Variants in PASD1 observed in about 807,000 individuals in gnomAD.
The protein encoded by PASD1 is PAS domain containing repressor 1, also known as circadian clock protein PASD1.
PASD1 carries 13 observed loss-of-function variants against 58.8 expected under a neutral mutation model. That is an observed-to-expected ratio of 0.22 (90% CI 0.14 to 0.35). The LOEUF is 0.35. Ranked by LOEUF, PASD1 falls within the 10% of genes least tolerant of loss-of-function variation. The pLI is 1.00. For synonymous variants in PASD1, 236 were observed against 216.7 expected (o/e 1.09, Z -0.78); for missense variants, 734 against 568.3 (o/e 1.29, Z -2.96).
Position 151,671,147 on chromosome X carries a change from C to T in PASD1, c.1181C>T (p.Ala394Val), listed in dbSNP as rs770622099. Residue 394 changes from alanine to valine, a missense_variant, in exon 12 of 16, where the codon GCC becomes GTC. Ala to Val is a moderately conservative substitution (Grantham distance 64). Coordinates refer to ENST00000370357, the MANE Select transcript of PASD1 (RefSeq NM_173493.3). ...LEERTWLLHD[A>V]IQNQQNALEL... Reference sequence around the variant, plus strand: ...GAGAGGACTTGGTTGCTGCATGATGCCATCCAAAACCAGCAGAATGCATTG... The same window carrying T: ...GAGAGGACTTGGTTGCTGCATGATGTCATCCAAAACCAGCAGAATGCATTG... 10 of 1,209,851 alleles carry T rather than the reference C, an allele frequency of 8.3e-6. No individual in the cohort carries two copies. In the African/African-American group the frequency reaches 8.7e-5, roughly 11 times the overall value.
At chrX:151,575,383 G>T (rs148145511) in intron 1 of PASD1, among the ~76,000 whole-genome samples, 1,521 of 110,362 alleles carry the variant, frequency 0.014, 10 homozygotes, top group Non-Finnish European at 0.021. Context: ...GAATTCCCTG[G>T]TGTTGTTAGA....
At chrX:151,647,617 C>T (rs931613161) in intron 8 of PASD1, among the ~76,000 whole-genome samples, 1 of 110,030 alleles carries the variant, frequency 9.1e-6, no homozygotes, top group Non-Finnish European at 1.9e-5. Context: ...TGACTTAACT[C>T]ATTAACTAGT....
At chrX:151,592,586 T>G (rs1409915418) in intron 1 of PASD1, among the ~76,000 whole-genome samples, 1 of 112,075 alleles carries the variant, frequency 8.9e-6, no homozygotes, top group East Asian at 2.8e-4. Context: ...TTATAGTAAA[T>G]CATTTTGAAA....
intron 1 of PASD1, among the ~76,000 whole-genome samples, chrX:151,599,984 T>C (rs760131028): frequency 2.0e-4 from 23 of 112,240 alleles, no homozygotes; most frequent in African/African-American, 6.8e-4. Flanking sequence ...CATTGAGCAC[T>C]GAGTGAGCGA....
chrX:151,622,355 T>G (rs2013723985), intron 6 of PASD1, among the ~76,000 whole-genome samples: 1 of 110,548 alleles, frequency 9.0e-6, no homozygotes, highest in Non-Finnish European at 1.9e-5. Flanking sequence ...AACTCACTAA[T>G]AAGCAAAGAA....
chrX:151,648,156 A>G (rs1264760482), intron 8 of PASD1, among the ~76,000 whole-genome samples: 1 of 111,128 alleles, frequency 9.0e-6, no homozygotes, highest in Admixed American at 9.6e-5. Flanking sequence ...CTAGTGTGCC[A>G]TGAAGCTGCA....
chrX:151,665,847 G>GGTGT (rs1183569660), intron 11 of PASD1, among the ~76,000 whole-genome samples: 1 of 107,054 alleles, frequency 9.3e-6, no homozygotes. Context: ...AGTTTAGAGG[G>GGTGT]GTGTGTGTGT....
chrX:151,567,748 G>A (rs764488277), intron 1 of PASD1, among the ~76,000 whole-genome samples: 167 of 112,140 alleles, frequency 1.5e-3, no homozygotes, highest in Non-Finnish European at 2.7e-3. Context: ...TTGAGACAGG[G>A]TCTTTCTCTG....
chrX:151,594,369 CT>C (rs766567430), intron 1 of PASD1, among the ~76,000 whole-genome samples: 1 of 111,807 alleles, frequency 8.9e-6, no homozygotes, highest in Non-Finnish European at 1.9e-5. Flanking sequence ...CCATTGTCTT[CT>C]TTTTTCTGCT....
At chrX:151,571,671 G>C (rs1172237458) in intron 1 of PASD1, among the ~76,000 whole-genome samples, 3 of 111,963 alleles carry the variant, frequency 2.7e-5, no homozygotes, top group African/African-American at 9.7e-5. Context: ...ATGTTTCATT[G>C]ATGCCTAAGC....
In PASD1 at chrX:151,672,225, CGGCAGCTGCGGGA is replaced by C. The variant is rs1569417559; in HGVS notation, c.1482_1494del (p.Gln495SerfsTer5). 1 of 1,136,129 alleles carries C rather than the reference CGGCAGCTGCGGGA, an allele frequency of 8.8e-7. No homozygotes were observed. The highest frequency in any genetic ancestry group is 1.2e-6 in the Non-Finnish European group (1 of 850,738). 93.6% of individuals were successfully genotyped at this position (1,136,129 alleles called of 1,213,427 possible). Reference sequence around the variant, plus strand: ...AGAACAACACCTGAAGGAGCAGCAGCGGCAGCTGCGGGAGCAGCTGCAACAGCTGAGAGAGCAA... The same window carrying C: ...AGAACAACACCTGAAGGAGCAGCAGCGCAGCTGCAACAGCTGAGAGAGCAA... On this transcript the variant is annotated frameshift_variant, in exon 14 of 16. Transcript: ENST00000370357. LOFTEE classifies it high-confidence loss of function.
At chrX:151,610,635 A>G (rs963248354) in intron 3 of PASD1, among the ~76,000 whole-genome samples, 1 of 111,504 alleles carries the variant, frequency 9.0e-6, no homozygotes, top group Non-Finnish European at 1.9e-5. Flanking sequence ...TATCTACATG[A>G]ATTCTTTGAA....
At chrX:151,590,706 C>T (rs2013234257) in intron 1 of PASD1, among the ~76,000 whole-genome samples, 2 of 111,347 alleles carry the variant, frequency 1.8e-5, no homozygotes. Flanking sequence ...TCAGCCTCCA[C>T]AGTAGCTGAG....
rs760182373 is a variant in PASD1 at position 151,568,201 on chromosome X, C to T, written c.-28+4362C>T. Among the ~76,000 whole-genome samples the T allele has an allele frequency of 3.6e-5, 4 of 111,822 alleles. No individual in the cohort carries two copies. The East Asian group carries it at 1.1e-3, about 31-fold the overall frequency. Reference sequence around the variant, plus strand: ...ATGTTGTTTATGAGAACTAGAATACCGTTCTTGTTATTTGATATGTATTTA... The same window carrying T: ...ATGTTGTTTATGAGAACTAGAATACTGTTCTTGTTATTTGATATGTATTTA... On this transcript the variant is annotated intron_variant, in intron 1 of 15. Coordinates refer to ENST00000370357, the MANE Select transcript of PASD1 (RefSeq NM_173493.3).
chrX:151,636,996 A>G (rs999446546), intron 8 of PASD1, among the ~76,000 whole-genome samples: 16 of 112,315 alleles, frequency 1.4e-4, no homozygotes, highest in African/African-American at 5.2e-4. Context: ...ATGGAGTCAT[A>G]CAGTATGTAA....
intron 8 of PASD1, among the ~76,000 whole-genome samples, chrX:151,635,365 A>G (rs1051265441): frequency 8.9e-5 from 10 of 112,052 alleles, no homozygotes; most frequent in Non-Finnish European, 1.9e-4. Flanking sequence ...TTTCAGAACT[A>G]GGAAACAAAT....
chrX:151,599,390 G>C (rs1341982717), intron 1 of PASD1, among the ~76,000 whole-genome samples: 1 of 112,042 alleles, frequency 8.9e-6, no homozygotes, highest in South Asian at 3.7e-4. Context: ...CTTCCCAGAC[G>C]GGGCGGCAGG....
intron 8 of PASD1, among the ~76,000 whole-genome samples, chrX:151,641,829 C>T (rs1272009626): frequency 9.0e-6 from 1 of 111,229 alleles, no homozygotes; most frequent in East Asian, 2.9e-4. Flanking sequence ...CACACACACA[C>T]ACACACACAC....
chrX:151,609,431 C>A (rs1018362202), intron 3 of PASD1, among the ~76,000 whole-genome samples: 3 of 111,443 alleles, frequency 2.7e-5, no homozygotes, highest in Non-Finnish European at 5.7e-5. Flanking sequence ...GAAAATCTTG[C>A]GTAACTGAAA....
Sources: allele counts gnomAD v4.1 joint callset (sites outside exome capture counted in the v4.1 genomes callset), GRCh38; gene constraint gnomAD v4.1.1; transcripts MANE v1.5; gene names NCBI Gene and HGNC (gene_info 2026-07-23, HGNC 2026-07-21).